The following SLC44A4 variants were observed in gnomAD, a reference collection of about 807,000 sequenced individuals.
SLC44A4 encodes solute carrier family 44 member 4, also known as choline transporter-like protein 4.
Under a neutral mutation model 97.0 loss-of-function variants are expected in SLC44A4, and 74 were observed. The observed-to-expected ratio is 0.76, with a 90% CI of 0.63 to 0.93. SLC44A4 has a LOEUF of 0.93. Ranked by LOEUF, SLC44A4 falls within the 40% of genes least tolerant of loss-of-function variation. The probability of loss-of-function intolerance (pLI) is 0.00; values close to 1 mark genes in which losing one functional copy is unlikely to be tolerated. For missense variants in SLC44A4, 799 were observed against 902.9 expected, an observed-to-expected ratio of 0.88 and a Z score of 1.48; for synonymous variants, 325 against 363.8, an observed-to-expected ratio of 0.89 and a Z score of 1.21.
chr6:31,864,639 G>A lies in SLC44A4; in HGVS notation c.2011+13C>T. 6.2e-7 allele frequency: 1 copy of A among 1,613,196 alleles called. No individual in the cohort carries two copies. Among genetic ancestry groups the A allele is most frequent in the Non-Finnish European group, 8.5e-7 (1 of 1,179,132 alleles). Reference sequence around the variant, plus strand: ...TTTAAGGTTGGGGACAGGTGGCTGGGGGTGTCACTCACGGAAGCAGAGGAA... The same window carrying A: ...TTTAAGGTTGGGGACAGGTGGCTGGAGGTGTCACTCACGGAAGCAGAGGAA... On this transcript the variant is annotated intron_variant, in intron 20 of 20. Transcript: ENST00000229729.
At chr6:31,872,761 A>G (rs1013016478) in intron 7 of SLC44A4, among the ~76,000 whole-genome samples, 2 of 152,216 alleles carry the variant, frequency 1.3e-5, no homozygotes, top group Non-Finnish European at 2.9e-5. Context: ...GGTCAAGACC[A>G]TAGGGCTGGA....
At position 31,874,715 on chromosome 6, in the gene SLC44A4, A is replaced by T; in HGVS notation, c.468+6T>A. On this transcript the variant is annotated splice_donor_region_variant and intron_variant, in intron 6 of 20. Transcript: ENST00000229729. The surrounding 1 kb of genome is among the most constrained non-coding windows in gnomAD (Gnocchi z 4.8). The stretch of plus-strand genomic sequence containing the variant: ...CGACAGTGATGAGGTTAGGGGCAAT[A>T]TTCACCATATTCCAGGGTACCCCTG... The T allele has an allele frequency of 6.2e-7, 1 of 1,606,572 alleles. No homozygotes were observed. Among genetic ancestry groups the T allele is most frequent in the East Asian group, 2.2e-5 (1 of 44,872 alleles).
chr6:31,875,054 A>C, intron 4 of SLC44A4, 26 bp from the exon 5 acceptor site: 1 of 1,577,940 alleles, frequency 6.3e-7, no homozygotes, highest in Non-Finnish European at 8.7e-7. Context: ...GACCATGTGC[A>C]TCAGGGCCTG....
chr6:31,865,422 C>T lies in SLC44A4; in HGVS notation c.1687-34G>A, dbSNP rs377400490. ...GGTGGAAAGGTCAGAGTTACCAAGG[C>T]GAGCTGCCTGGACCAGGATGGGGGT... On this transcript the variant is annotated intron_variant, in intron 16 of 20. Coordinates refer to ENST00000229729, the MANE Select transcript of SLC44A4 (RefSeq NM_025257.3). This position sits in a 1 kb window ranked among gnomAD's most constrained non-coding sequence, Gnocchi z 5.2. 2.7e-5 allele frequency: 43 copies of T among 1,613,436 alleles called. No homozygotes were observed. Among genetic ancestry groups the T allele is most frequent in the African/African-American group, 8.0e-5 (6 of 74,878 alleles).
At position 31,869,655 on chromosome 6, in the gene SLC44A4, T is replaced by A. The variant is rs754088880; in HGVS notation, c.1038-18A>T. ...CCACAGCCCTGCAGGGAGACAAAGC[T>A]GTTAACCGGCACCGCCCCAGCTGTC... On this transcript the variant is annotated intron_variant, in intron 11 of 20. Transcript: ENST00000229729. 5 of 1,580,542 alleles carry A rather than the reference T, an allele frequency of 3.2e-6. No homozygotes were observed. The highest frequency in any genetic ancestry group is 4.3e-6 in the Non-Finnish European group (5 of 1,161,510).
At position 31,878,843 on chromosome 6, in the gene SLC44A4, T is replaced by C; in HGVS notation, c.40+98A>G. 1 of 1,374,452 alleles carries C rather than the reference T, an allele frequency of 7.3e-7. No homozygotes were observed. Among genetic ancestry groups the C allele is most frequent in the African/African-American group, 1.4e-5 (1 of 70,098 alleles). The allele number at this position is 1,374,452 out of a possible 1,614,324, so 85.1% of individuals were successfully genotyped here. On this transcript the variant is annotated intron_variant, in intron 1 of 20. Coordinates refer to ENST00000229729, the MANE Select transcript of SLC44A4 (RefSeq NM_025257.3). This position sits in a 1 kb window ranked among gnomAD's most constrained non-coding sequence, Gnocchi z 4.0. ...CCCTCCCCTCAGGGACACAGTACTC[T>C]CCTTAGTTCCTCTCCCTGGAGCCAG...
rs372404802 is a variant in SLC44A4, at chr6:31,874,676, C to G, written c.468+45G>C. On this transcript the variant is annotated intron_variant, in intron 6 of 20. Transcript: ENST00000229729. This position sits in a 1 kb window ranked among gnomAD's most constrained non-coding sequence, Gnocchi z 4.8. ...ACTCCCCCTCCCTCTCGTGCCCACC[C>G]TGGCCCTTCTGGGCGACAGTGATGA... 1 of 1,576,550 alleles carries G rather than the reference C, an allele frequency of 6.3e-7. No individual in the cohort carries two copies. Among genetic ancestry groups the G allele is most frequent in the Non-Finnish European group, 8.6e-7 (1 of 1,161,960 alleles).
intron 4 of SLC44A4, among the ~76,000 whole-genome samples, chr6:31,875,510 A>T (rs1763394592): frequency 6.6e-6 from 1 of 152,238 alleles, no homozygotes; most frequent in African/African-American, 2.4e-5. Context: ...TCAAATAAGG[A>T]AATCAAAGCT....
intron 9 of SLC44A4, 22 bp downstream of exon 9, chr6:31,871,292 G>T: frequency 6.2e-7 from 1 of 1,604,520 alleles, no homozygotes; most frequent in Non-Finnish European, 8.5e-7. Context: ...GGACACAAGA[G>T]GAGGGGAATC....
chr6:31,869,032 G>A, intron 13 of SLC44A4, 123 bp downstream of exon 13: 1 of 724,710 alleles, frequency 1.4e-6, no homozygotes, highest in Non-Finnish European at 2.2e-6. Flanking sequence ...GGGGTTGAGT[G>A]TGTGACCTTG....
rs1479210321 is a variant in SLC44A4 at position 31,876,096 on chromosome 6, G to T, written c.123C>A (p.Phe41Leu). 2 of 1,613,652 alleles carry T rather than the reference G, an allele frequency of 1.2e-6. No homozygotes were observed. Among genetic ancestry groups the T allele is most frequent in the Admixed American group, 3.3e-5 (2 of 60,002 alleles). ...CGATGTAACCTAGAATGAAGAGCAG[G>T]AAGAGGACGCAGCAGATGACATCTG... ...SCTDVICCVLFLLFILGYIVV... is the reference protein window; with the variant it reads ...SCTDVICCVLLLLFILGYIVV... Residue 41 changes from phenylalanine to leucine, a missense_variant, in exon 3 of 21, where the codon TTC becomes TTA. Phe to Leu is a conservative substitution (Grantham distance 22). Around this residue, in one of 3 missense-constraint regions of SLC44A4, gnomAD observed 409 missense variants for 434.1 expected, o/e 0.94. Coordinates refer to ENST00000229729, the MANE Select transcript of SLC44A4 (RefSeq NM_025257.3). The surrounding 1 kb of genome is among the most constrained non-coding windows in gnomAD (Gnocchi z 4.8).
At chr6:31,870,749 GCCGGGCATGGCCCAGGGCGGTCCTT>G in intron 10 of SLC44A4, 38 bp downstream of exon 10, 1 of 1,611,262 alleles carries the variant, frequency 6.2e-7, no homozygotes, top group Non-Finnish European at 8.5e-7. Context: ...CAGGGCTGGG[GCCGGGCATGGCCCAGGGCGGTCCTT>G]GGGCAGCTGG....
In SLC44A4 at chr6:31,874,919, A is replaced by G. The variant is rs751603273; in HGVS notation, c.342+10T>C. Reference sequence around the variant, plus strand: ...GAGATCTGGGGTAGAGGCAGGTCCCAGGCTCTGACCTGGGGTGTGGGGCAC... The same window carrying G: ...GAGATCTGGGGTAGAGGCAGGTCCCGGGCTCTGACCTGGGGTGTGGGGCAC... On this transcript the variant is annotated intron_variant, in intron 5 of 20. Transcript: ENST00000229729. The surrounding 1 kb of genome is among the most constrained non-coding windows in gnomAD (Gnocchi z 4.8). 1 of 1,613,788 alleles carries G rather than the reference A, an allele frequency of 6.2e-7. No individual in the cohort carries two copies. Among genetic ancestry groups the G allele is most frequent in the Non-Finnish European group, 8.5e-7 (1 of 1,179,910 alleles).
chr6:31,868,717 G>T (rs1404521571), intron 13 of SLC44A4, among the ~76,000 whole-genome samples: 1 of 152,088 alleles, frequency 6.6e-6, no homozygotes, highest in African/African-American at 2.4e-5. Context: ...GATTGCTTGA[G>T]CCTGGGGGAT....
rs1006327428 is a variant in SLC44A4 at position 31,878,853 on chromosome 6, C to T, written c.40+88G>A. On this transcript the variant is annotated intron_variant, in intron 1 of 20. Transcript: ENST00000229729. The surrounding 1 kb of genome is among the most constrained non-coding windows in gnomAD (Gnocchi z 4.0). ...AGGGACACAGTACTCTCCTTAGTTC[C>T]TCTCCCTGGAGCCAGCCCCAGACAC... 8.3e-6 allele frequency: 12 copies of T among 1,451,530 alleles called. No homozygotes were observed. In the African/African-American group the frequency reaches 1.4e-4, roughly 17 times the overall value. 89.9% of individuals were successfully genotyped at this position (1,451,530 alleles called of 1,614,324 possible).
At chr6:31,872,650 A>G (rs1302836965) in intron 7 of SLC44A4, among the ~76,000 whole-genome samples, 2 of 151,280 alleles carry the variant, frequency 1.3e-5, no homozygotes, top group Non-Finnish European at 2.9e-5. Flanking sequence ...CTCCCGCCTT[A>G]GCCTCCTGAG....
chr6:31,864,203 T>C (rs1045955455), intron 20 of SLC44A4, among the ~76,000 whole-genome samples: 4 of 152,156 alleles, frequency 2.6e-5, no homozygotes, highest in African/African-American at 9.7e-5. Flanking sequence ...GCCTCCCAAG[T>C]GGCTGGGATT....
chr6:31,876,976 G>A lies in SLC44A4; in HGVS notation c.89+58C>T, dbSNP rs1417274229. On this transcript the variant is annotated intron_variant, in intron 2 of 20. Coordinates refer to ENST00000229729, the MANE Select transcript of SLC44A4 (RefSeq NM_025257.3). The surrounding 1 kb of genome is among the most constrained non-coding windows in gnomAD (Gnocchi z 4.8). ...TTTTAGCAAATACAAAGCAAATACT[G>A]GATTCCACACTGCACCCACCACCCC... is the stretch of plus-strand genomic sequence containing the variant. The A allele has an allele frequency of 1.9e-5, 29 of 1,499,576 alleles. No individual in the cohort carries two copies. Among genetic ancestry groups the A allele is most frequent in the Non-Finnish European group, 2.0e-5 (22 of 1,102,816 alleles). The allele number at this position is 1,499,576 out of a possible 1,614,324, so 92.9% of individuals were successfully genotyped here.
rs763954964 is a variant in SLC44A4 at position 31,865,862 on chromosome 6, C to T, written c.1487+11G>A. On this transcript the variant is annotated intron_variant, in intron 14 of 20. Coordinates refer to ENST00000229729, the MANE Select transcript of SLC44A4 (RefSeq NM_025257.3). This position sits in a 1 kb window ranked among gnomAD's most constrained non-coding sequence, Gnocchi z 5.2. ...GTGCCTACAATGACCAGGCCCCTGC[C>T]CCATCCTTACCGGAGTGTGCGGATG... 1 of 1,614,088 alleles carries T rather than the reference C, an allele frequency of 6.2e-7. No individual in the cohort carries two copies. Among genetic ancestry groups the T allele is most frequent in the Non-Finnish European group, 8.5e-7 (1 of 1,179,964 alleles).
Sources: gnomAD v4.1 joint callset for allele counts (sites outside exome capture counted in the v4.1 genomes callset) on GRCh38, gnomAD v4.1.1 for gene constraint, gnomAD v4.1.1 regional missense constraint, Gnocchi (gnomAD v3.1) non-coding constraint, MANE v1.5 for transcripts, NCBI Gene and HGNC (gene_info 2026-07-23, HGNC 2026-07-21) for gene names.